Variants in FETUB observed in about 807,000 individuals in gnomAD.
FETUB encodes the protein fetuin-B.
A neutral mutation model predicts 30.9 loss-of-function variants in FETUB; 28 were observed. The observed-to-expected ratio is 0.90, with a 90% CI of 0.67 to 1.24. The LOEUF (loss-of-function observed/expected upper bound fraction) is 1.24, where lower values mean the gene tolerates loss of function less well. Among genes scored for constraint, FETUB ranks in the 50% most tolerant of loss-of-function variants. The pLI is 0.00. For synonymous variants in FETUB, 186 were observed against 175.9 expected (o/e 1.06, Z -0.45); for missense variants, 469 against 455.3 (o/e 1.03, Z -0.27).
intron 5 of FETUB, among the ~76,000 whole-genome samples, chr3:186,650,482 T>C (rs919021072): frequency 6.6e-6 from 1 of 152,234 alleles, no homozygotes; most frequent in Middle Eastern, 3.4e-3. Context: ...GAGAGCTTGT[T>C]AAACATCACA....
chr3:186,640,422 T>A lies in FETUB; in HGVS notation c.-39T>A. 6.5e-7 allele frequency: 1 copy of A among 1,534,408 alleles called. No individual in the cohort carries two copies. ...TTACAAGCCAGCCAGTCCCTGCAGC[T>A]CCACAAACTGACCCATCCTGGGCCT... On this transcript the variant is annotated 5_prime_UTR_variant, in exon 1 of 7. Transcript: ENST00000265029.
rs1579032682 is a variant in FETUB at position 186,641,136 on chromosome 3, A to T, written c.332A>T (p.Glu111Val). The T allele has an allele frequency of 6.3e-7, 1 of 1,599,124 alleles. No individual in the cohort carries two copies. Residue 111 changes from glutamate (E) to valine (V), a missense_variant, in exon 2 of 7, where the codon GAA becomes GTA. Transcript: ENST00000265029. Reference protein sequence around the residue: ...WQDCGMRIFFESVYGQCKAIF... With the variant: ...WQDCGMRIFFVSVYGQCKAIF... ...GACTGTGGAATGAGGATATTTTTTGAATCAGTGAGTGCTTGTTTTTATAAA... is the reference window on the plus strand; with the variant it reads ...GACTGTGGAATGAGGATATTTTTTGTATCAGTGAGTGCTTGTTTTTATAAA...
In FETUB at chr3:186,652,267, C is replaced by T. The variant is rs776422401; in HGVS notation, c.785C>T (p.Pro262Leu). Residue 262 changes from proline to leucine, a missense_variant, in exon 7 of 7, where the codon CCA becomes CTA. By Grantham distance (98) the Pro-to-Leu change is moderately conservative. Transcript: ENST00000265029. ...TCAAAAATGTTCTCATTCCAGGCTC[C>T]AGCCACTGGAAGTGAAAACTCTGCT... ...VTCDFFESQAPATGSENSAVN... is the reference protein window; with the variant it reads ...VTCDFFESQALATGSENSAVN... 1.3e-6 allele frequency: 2 copies of T among 1,542,566 alleles called. No homozygotes were observed. The highest frequency in any genetic ancestry group is 4.3e-5 in the Admixed American group (2 of 46,926).
intron 5 of FETUB, 77 bp from the exon 6 acceptor site, chr3:186,651,141 T>C (rs1717997219): frequency 2.1e-6 from 2 of 945,578 alleles, no homozygotes; most frequent in Admixed American, 1.8e-5. Flanking sequence ...GCTGTGTATC[T>C]ACACAAGTAG....
chr3:186,638,709 C>T (rs1024980125), upstream of FETUB, among the ~76,000 whole-genome samples: 1 of 152,188 alleles, frequency 6.6e-6, no homozygotes. Flanking sequence ...ATGGCCTTCA[C>T]CTATATAAGT....
chr3:186,640,509 G>A lies in FETUB; in HGVS notation c.49G>A (p.Gly17Arg), dbSNP rs148037844. Residue 17 changes from glycine (G) to arginine (R), a missense_variant, in exon 1 of 7, where the codon GGA becomes AGA. Physicochemically the swap from Gly to Arg is moderately radical, Grantham distance 125. Coordinates refer to ENST00000265029, the MANE Select transcript of FETUB (RefSeq NM_014375.3). ...LALCILVLCC[G>R]AMSPPQLALN... ...ACTCTGCATCCTAGTCCTGTGCTGCGGAGCAATGTCTCCACCCCAGCTGGC... is the reference window on the plus strand; with the variant it reads ...ACTCTGCATCCTAGTCCTGTGCTGCAGAGCAATGTCTCCACCCCAGCTGGC... 147 of 1,614,014 alleles carry A rather than the reference G, an allele frequency of 9.1e-5. No homozygotes were observed. Among genetic ancestry groups the A allele is most frequent in the Admixed American group, 5.2e-4 (31 of 60,006 alleles).
intron 5 of FETUB, among the ~76,000 whole-genome samples, chr3:186,650,625 G>A (rs1002666818): frequency 3.3e-5 from 5 of 151,972 alleles, no homozygotes; most frequent in Admixed American, 3.3e-4. Context: ...ACTCTATTTT[G>A]TAGAAGAAAA....
chr3:186,643,777 C>T (rs376635582), intron 3 of FETUB, among the ~76,000 whole-genome samples: 1 of 152,152 alleles, frequency 6.6e-6, no homozygotes, highest in East Asian at 1.9e-4. Flanking sequence ...CAGATAAACA[C>T]AAAATTTCTA....
upstream of FETUB, among the ~76,000 whole-genome samples, chr3:186,638,797 C>T (rs1716851185): frequency 6.6e-6 from 1 of 152,216 alleles, no homozygotes; most frequent in South Asian, 2.1e-4. Context: ...TTCTCAACCT[C>T]TTTCTGTACG....
chr3:186,646,351 T>C lies in FETUB; in HGVS notation c.696+2T>C. On this transcript the variant is annotated splice_donor_variant, in intron 5 of 6. Transcript: ENST00000265029. LOFTEE classifies it high-confidence loss of function. The stretch of plus-strand genomic sequence containing the variant: ...TCACTTCAGTCCTCCGACTCTGTGG[T>C]GAGTTTTCCTGAATGTCTTCATAAT... 6.3e-7 allele frequency: 1 copy of C among 1,599,816 alleles called. No individual in the cohort carries two copies. The highest frequency in any genetic ancestry group is 8.6e-7 in the Non-Finnish European group (1 of 1,167,080).
intron 3 of FETUB, 90 bp downstream of exon 3, chr3:186,642,648 T>G: frequency 3.8e-6 from 3 of 779,702 alleles, no homozygotes. Flanking sequence ...AGGGTATCTC[T>G]CATTCTTATT....
In FETUB at chr3:186,652,586, C is replaced by G. The variant is rs765970377; in HGVS notation, c.1104C>G (p.Cys368Trp). ...FPKEKARTAE[C>W]PGPAQNASPL... ...AAGAAAAAGCACGCACTGCTGAGTGCCCAGGGCCAGCCCAGAATGCCAGCC... is the reference window on the plus strand; with the variant it reads ...AAGAAAAAGCACGCACTGCTGAGTGGCCAGGGCCAGCCCAGAATGCCAGCC... Residue 368 changes from cysteine (C) to tryptophan (W), a missense_variant, in exon 7 of 7, where the codon TGC becomes TGG. Cys to Trp is a radical substitution (Grantham distance 215). Coordinates refer to ENST00000265029, the MANE Select transcript of FETUB (RefSeq NM_014375.3). The G allele has an allele frequency of 5.0e-6, 8 of 1,612,616 alleles. No homozygotes were observed. The highest frequency in any genetic ancestry group is 6.8e-6 in the Non-Finnish European group (8 of 1,179,670).
chr3:186,644,779 C>A lies in FETUB; in HGVS notation c.453C>A (p.Cys151Ter), dbSNP rs1290592828. Residue 151 changes from cysteine to a stop codon, truncating the protein, a stop_gained, in exon 4 of 7, where the codon TGC becomes TGA. Coordinates refer to ENST00000265029, the MANE Select transcript of FETUB (RefSeq NM_014375.3). LOFTEE classifies it high-confidence loss of function. ...PVSKKKIYMT[C>*]PDCPSSIPTD... ...CAAAAAAAAAGATTTACATGACGTGCCCTGACTGCCCAAGCTCCATACCCA... is the reference window on the plus strand; with the variant it reads ...CAAAAAAAAAGATTTACATGACGTGACCTGACTGCCCAAGCTCCATACCCA... 2 of 1,607,364 alleles carry A rather than the reference C, an allele frequency of 1.2e-6. No homozygotes were observed. Among genetic ancestry groups the A allele is most frequent in the East Asian group, 2.2e-5 (1 of 44,844 alleles).
At position 186,652,433 on chromosome 3, in the gene FETUB, A is replaced by G. The variant is rs1718132776; in HGVS notation, c.951A>G (p.Glu317=). Residue 317 remains glutamate, a synonymous_variant, in exon 7 of 7, where the codon GAA becomes GAG. Transcript: ENST00000265029. ...LPDLDDKNSQ[E]KGPQEAFPVH... is the part of the protein sequence containing the mutation. Reference sequence around the variant, plus strand: ...ACTTGGATGATAAAAATTCCCAGGAAAAGGGCCCTCAGGAGGCCTTTCCTG... The same window carrying G: ...ACTTGGATGATAAAAATTCCCAGGAGAAGGGCCCTCAGGAGGCCTTTCCTG... 6.2e-7 allele frequency: 1 copy of G among 1,613,880 alleles called. No homozygotes were observed. Among genetic ancestry groups the G allele is most frequent in the Non-Finnish European group, 8.5e-7 (1 of 1,179,974 alleles).
Position 186,652,753 on chromosome 3 carries a change from C to T in FETUB, c.*122C>T. 2 of 1,190,880 alleles carry T rather than the reference C, an allele frequency of 1.7e-6. No individual in the cohort carries two copies. The highest frequency in any genetic ancestry group is 1.6e-5 in the South Asian group (1 of 62,412). The allele number at this position is 1,190,880 out of a possible 1,614,324, so 73.8% of individuals were successfully genotyped here. Reference sequence around the variant, plus strand: ...GCTAGTGAAGGACGCCTTTTTGACTCTTCTTGGTCTCAGCATGTTGACTGG... The same window carrying T: ...GCTAGTGAAGGACGCCTTTTTGACTTTTCTTGGTCTCAGCATGTTGACTGG... On this transcript the variant is annotated 3_prime_UTR_variant, in exon 7 of 7. Transcript: ENST00000265029.
Position 186,653,077 on chromosome 3 carries a change from G to T in FETUB, c.*446G>T, listed in dbSNP as rs2108554993. 1 of 158,216 alleles carries T rather than the reference G, an allele frequency of 6.3e-6. No individual in the cohort carries two copies. The highest frequency in any genetic ancestry group is 1.8e-4 in the South Asian group (1 of 5,446). The allele number at this position is 158,216 out of a possible 1,614,324, so 9.8% of individuals were successfully genotyped here. A position where few individuals can be genotyped will look rare whatever the true frequency, so the allele number is the denominator to read the frequency against. On this transcript the variant is annotated 3_prime_UTR_variant, in exon 7 of 7. Coordinates refer to ENST00000265029, the MANE Select transcript of FETUB (RefSeq NM_014375.3). ...TAAATTCCCTTTAATTCCAGGACAG[G>T]TATTAGCTGCGTAGGGCCCATACCA...
intron 5 of FETUB, among the ~76,000 whole-genome samples, chr3:186,647,600 C>A (rs896386341): frequency 6.6e-6 from 1 of 152,118 alleles, no homozygotes; most frequent in African/African-American, 2.4e-5. Flanking sequence ...TGATGCTGAG[C>A]GTCTTTTAAT....
upstream of FETUB, among the ~76,000 whole-genome samples, chr3:186,640,002 C>A (rs946929239): frequency 4.6e-5 from 7 of 152,174 alleles, no homozygotes; most frequent in Non-Finnish European, 7.4e-5. Context: ...GGGCTTTGCA[C>A]ACAGAGTGTC....
intron 2 of FETUB, 148 bp from the exon 3 acceptor site, chr3:186,642,323 C>T (rs1717130714): frequency 1.6e-6 from 1 of 606,836 alleles, no homozygotes; most frequent in Non-Finnish European, 2.9e-6. Context: ...GTTTGATCAT[C>T]AACTGCAGTT....
Sources: gnomAD v4.1 joint callset for allele counts (sites outside exome capture counted in the v4.1 genomes callset) on GRCh38, gnomAD v4.1.1 for gene constraint, MANE v1.5 for transcripts, NCBI Gene and HGNC (gene_info 2026-07-23, HGNC 2026-07-21) for gene names.